The following ABCC9 variants were observed in gnomAD, a reference collection of about 807,000 sequenced individuals.
The protein encoded by ABCC9 is ATP-binding cassette sub-family C member 9.
In ABCC9, 95 loss-of-function variants were observed where a neutral mutation model predicts 188.3. The observed-to-expected ratio is 0.50, with a 90% CI of 0.43 to 0.60. The LOEUF is 0.60. Among genes scored for constraint, ABCC9 ranks in the 20% least tolerant of loss-of-function variants. ABCC9 has a pLI of 0.00. For missense variants in ABCC9, 1,102 were observed against 1,876.3 expected, an observed-to-expected ratio of 0.59 and a Z score of 7.62; for synonymous variants, 659 against 652.7, an observed-to-expected ratio of 1.01 and a Z score of -0.15.
intron 14 of ABCC9, among the ~76,000 whole-genome samples, chr12:21,890,868 C>T (rs1947124691): frequency 1.3e-5 from 2 of 151,730 alleles, no homozygotes; most frequent in Admixed American, 1.3e-4. Flanking sequence ...ATACCTAATG[C>T]TAAATGACGA....
At chr12:21,915,368 ATGTGTG>A (rs1162301497) in intron 7 of ABCC9, among the ~76,000 whole-genome samples, 1,842 of 142,740 alleles carry the variant, frequency 0.013, 38 homozygotes, top group Middle Eastern at 0.059. Context: ...ATGTGTATAT[ATGTGTG>A]TATATATAGA....
At chr12:21,885,913 G>A (rs1946854883) in intron 15 of ABCC9, among the ~76,000 whole-genome samples, 1 of 151,998 alleles carries the variant, frequency 6.6e-6, no homozygotes, top group Non-Finnish European at 1.5e-5. Flanking sequence ...TGATTTCCTG[G>A]GAAAAGCTTT....
chr12:21,887,981 C>G, intron 14 of ABCC9, 47 bp from the exon 15 acceptor site: 3 of 1,417,042 alleles, frequency 2.1e-6, no homozygotes, highest in Non-Finnish European at 3.0e-6. Flanking sequence ...ATAAAACCAC[C>G]ACCAACAAAG....
intron 4 of ABCC9, among the ~76,000 whole-genome samples, chr12:21,931,667 C>T (rs977405360): frequency 2.0e-5 from 3 of 152,012 alleles, no homozygotes; most frequent in Non-Finnish European, 2.9e-5. Flanking sequence ...CACATGATGT[C>T]AAGTTTCAAA....
intron 17 of ABCC9, among the ~76,000 whole-genome samples, 192 bp from the exon 18 acceptor site, chr12:21,872,922 G>A (rs1219703621): frequency 6.6e-6 from 1 of 151,426 alleles, no homozygotes; most frequent in African/African-American, 2.4e-5. Context: ...TATATATAAT[G>A]ATTTATTATT....
intron 10 of ABCC9, 56 bp from the exon 11 acceptor site, chr12:21,908,267 A>G: frequency 1.3e-6 from 2 of 1,582,004 alleles, no homozygotes; most frequent in Non-Finnish European, 1.7e-6. Context: ...GAGCCATTGC[A>G]TGAAAGGACA....
intron 28 of ABCC9, 29 bp from the exon 29 acceptor site, chr12:21,842,500 G>C: frequency 6.2e-7 from 1 of 1,609,366 alleles, no homozygotes. Flanking sequence ...AGGAAAATAT[G>C]ATTAGCCCAG....
chr12:21,937,513 G>C (rs1005788007), intron 2 of ABCC9, among the ~76,000 whole-genome samples: 1 of 152,044 alleles, frequency 6.6e-6, no homozygotes, highest in Non-Finnish European at 1.5e-5. Context: ...TGGGGATTCC[G>C]GGGCAGAGGA....
At chr12:21,906,080 C>G in intron 12 of ABCC9, 46 bp downstream of exon 12, 1 of 1,576,434 alleles carries the variant, frequency 6.3e-7, no homozygotes, top group Non-Finnish European at 8.7e-7. Context: ...GTTGGTTATT[C>G]TGGTTGCCCT....
At chr12:21,831,341 G>A (rs527270004) in intron 30 of ABCC9, 14 of 152,150 alleles carry the variant, frequency 9.2e-5, no homozygotes, top group African/African-American at 3.1e-4. Flanking sequence ...TACATGTTTG[G>A]TAGATTTTCA....
intron 39 of ABCC9, among the ~76,000 whole-genome samples, chr12:21,802,767 C>CTTCCAAAGTGCTTCTCTGAACA (rs2137089490): frequency 6.6e-6 from 1 of 152,230 alleles, no homozygotes; most frequent in South Asian, 2.1e-4. Context: ...GATACACAGT[C>CTTCCAAAGTGCTTCTCTGAACA]TTCCAAAGTG....
At chr12:21,878,014 A>C (rs1946449637) in intron 16 of ABCC9, among the ~76,000 whole-genome samples, 1 of 152,018 alleles carries the variant, frequency 6.6e-6, no homozygotes, top group South Asian at 2.1e-4. Flanking sequence ...ATGGTGTTAA[A>C]AAAAAAACAA....
rs150996978 is a variant in ABCC9 at position 21,868,405 on chromosome 12, C to T, written c.2199-3928G>A. On this transcript the variant is annotated intron_variant, in intron 18 of 39. Coordinates refer to ENST00000261200, the MANE Select transcript of ABCC9 (RefSeq NM_020297.4). ...CTGTAATCCCAACACTTTGGGAGGC[C>T]GAGACAGGCGGATTATGAGGTCAGG... is the stretch of plus-strand genomic sequence containing the variant. 5.3e-5 allele frequency among the ~76,000 whole-genome samples: 8 copies of T among 152,218 alleles called. No homozygotes were observed. The East Asian group carries it at 7.7e-4, about 15-fold the overall frequency.
intron 16 of ABCC9, among the ~76,000 whole-genome samples, chr12:21,877,173 A>G (rs1193515154): frequency 2.6e-5 from 4 of 152,172 alleles, no homozygotes; most frequent in Non-Finnish European, 5.9e-5. Flanking sequence ...GAAGCTTGCA[A>G]TCAGTTGAGT....
intron 31 of ABCC9, among the ~76,000 whole-genome samples, chr12:21,826,675 T>C (rs1943398884): frequency 6.6e-6 from 1 of 152,140 alleles, no homozygotes. Context: ...GGGGTGTGCA[T>C]GTGTGCGTGT....
intron 22 of ABCC9, among the ~76,000 whole-genome samples, chr12:21,858,800 G>A (rs780706795): frequency 1.3e-5 from 2 of 152,112 alleles, no homozygotes; most frequent in Non-Finnish European, 2.9e-5. Flanking sequence ...AGATTAGATG[G>A]AGTGAAGACT....
intron 12 of ABCC9, among the ~76,000 whole-genome samples, chr12:21,905,513 T>C (rs911534683): frequency 6.6e-6 from 1 of 152,076 alleles, no homozygotes; most frequent in African/African-American, 2.4e-5. Context: ...AAAAACAGAA[T>C]GCTACAAATA....
intron 12 of ABCC9, among the ~76,000 whole-genome samples, chr12:21,901,630 A>G (rs1947755539): frequency 1.3e-5 from 2 of 152,196 alleles, no homozygotes; most frequent in Admixed American, 1.3e-4. Context: ...CAAATGGAAA[A>G]CAAAAAAAGG....
At chr12:21,849,652 T>C (rs943691992) in intron 24 of ABCC9, among the ~76,000 whole-genome samples, 5 of 152,294 alleles carry the variant, frequency 3.3e-5, no homozygotes, top group Non-Finnish European at 5.9e-5. Context: ...CAATTTTTCC[T>C]AAGAGTAAAT....
Sources: allele counts gnomAD v4.1 joint callset (sites outside exome capture counted in the v4.1 genomes callset), GRCh38; gene constraint gnomAD v4.1.1; transcripts MANE v1.5; gene names NCBI Gene and HGNC (gene_info 2026-07-23, HGNC 2026-07-21).